Variants in DCLK1 observed in about 807,000 individuals in gnomAD.
DCLK1 encodes the protein serine/threonine-protein kinase DCLK1.
A neutral mutation model predicts 86.2 loss-of-function variants in DCLK1; 16 were observed. The ratio of observed to expected loss-of-function variants is 0.19; its 90% CI spans 0.13 to 0.28. DCLK1 has a LOEUF of 0.28. Ranked by LOEUF, DCLK1 falls within the 10% of genes least tolerant of loss-of-function variation. DCLK1 has a pLI of 1.00. For missense variants in DCLK1, 590 were observed against 940.2 expected, an observed-to-expected ratio of 0.63 and a Z score of 4.87; for synonymous variants, 369 against 370.5, an observed-to-expected ratio of 1.00 and a Z score of 0.05.
intron 3 of DCLK1, among the ~76,000 whole-genome samples, chr13:36,064,387 G>A (rs1291747546): frequency 1.3e-5 from 2 of 152,178 alleles, no homozygotes; most frequent in East Asian, 1.9e-4. Context: ...TGGCGTGGGC[G>A]TGGCGGCTCA....
Position 36,074,416 on chromosome 13 carries a change from G to C in DCLK1, c.723+37453C>G, listed in dbSNP as rs576645232. 1.0e-4 allele frequency among the ~76,000 whole-genome samples: 13 copies of C among 126,896 alleles called. No individual in the cohort carries two copies. In the South Asian group the frequency reaches 3.6e-3, roughly 35 times the overall value. 83.2% of individuals were successfully genotyped at this position (126,896 alleles called of 152,430 possible). On this transcript the variant is annotated intron_variant, in intron 3 of 16. Transcript: ENST00000360631. The stretch of plus-strand genomic sequence containing the variant: ...AGGCAGGAGAATGGCGTGAACCCTG[G>C]GGGGCGGAGCCTGCAGTGAGCTCCA...
chr13:35,898,811 G>A (rs1423706353), intron 4 of DCLK1, among the ~76,000 whole-genome samples: 1 of 151,876 alleles, frequency 6.6e-6, no homozygotes, highest in Admixed American at 6.6e-5. Flanking sequence ...GCACGATCTC[G>A]GCTCACAGCA....
chr13:35,901,224 C>T (rs1268694417), intron 4 of DCLK1, among the ~76,000 whole-genome samples: 2 of 152,028 alleles, frequency 1.3e-5, no homozygotes, highest in African/African-American at 4.8e-5. Context: ...TGGTGGCTTA[C>T]GCCTGTAATC....
At chr13:35,800,926 G>A (rs1237563156) in intron 15 of DCLK1, among the ~76,000 whole-genome samples, 6 of 146,270 alleles carry the variant, frequency 4.1e-5, no homozygotes, top group South Asian at 2.1e-4. Flanking sequence ...GCTTCACTAC[G>A]TTGGCCAGGC....
At chr13:35,918,892 G>GTTTTTTTGTTTTTTTT (rs1555350028) in intron 4 of DCLK1, among the ~76,000 whole-genome samples, 1 of 76,310 alleles carries the variant, frequency 1.3e-5, no homozygotes, top group Admixed American at 2.4e-4. Context: ...TTCTGAGTGT[G>GTTTTTTTGTTTTTTTT]TTTTTTTTTT....
chr13:35,918,791 A>G (rs150351283), intron 4 of DCLK1, among the ~76,000 whole-genome samples: 113 of 152,142 alleles, frequency 7.4e-4, no homozygotes, highest in Non-Finnish European at 1.3e-3. Context: ...TTATGAAAGC[A>G]TCCTGAAAAT....
At chr13:36,066,136 A>C (rs1368947578) in intron 3 of DCLK1, among the ~76,000 whole-genome samples, 1 of 152,220 alleles carries the variant, frequency 6.6e-6, no homozygotes, top group East Asian at 1.9e-4. Flanking sequence ...TGTCATTTGC[A>C]CCTCAAATAA....
At chr13:35,953,993 A>G (rs1419387065) in intron 3 of DCLK1, among the ~76,000 whole-genome samples, 1 of 152,210 alleles carries the variant, frequency 6.6e-6, no homozygotes, top group Non-Finnish European at 1.5e-5. Flanking sequence ...TTTAAGCAAG[A>G]GAATAAACCA....
chr13:35,905,461 G>T (rs969419338), intron 4 of DCLK1, among the ~76,000 whole-genome samples: 1 of 152,174 alleles, frequency 6.6e-6, no homozygotes, highest in Non-Finnish European at 1.5e-5. Flanking sequence ...GCTCTCAGTG[G>T]CCACCTCACT....
chr13:35,960,291 G>A (rs1314499133), intron 3 of DCLK1, among the ~76,000 whole-genome samples: 1 of 152,058 alleles, frequency 6.6e-6, no homozygotes, highest in African/African-American at 2.4e-5. Context: ...TCCACCATGT[G>A]CAGTAATTTT....
chr13:36,015,683 T>C (rs547516864), intron 3 of DCLK1, among the ~76,000 whole-genome samples: 1 of 152,276 alleles, frequency 6.6e-6, no homozygotes, highest in South Asian at 2.1e-4. Context: ...TAGCCCATAC[T>C]ACCAATCTAG....
chr13:35,833,115 C>T (rs774896857), intron 8 of DCLK1, among the ~76,000 whole-genome samples: 2 of 152,156 alleles, frequency 1.3e-5, no homozygotes, highest in Non-Finnish European at 2.9e-5. Flanking sequence ...CACACATCCT[C>T]AGGCTTATAG....
At chr13:35,787,607 C>T (rs1172752011) in intron 16 of DCLK1, among the ~76,000 whole-genome samples, 1 of 152,028 alleles carries the variant, frequency 6.6e-6, no homozygotes. Context: ...TAAATTCATG[C>T]AATAGCTAAT....
chr13:35,908,341 G>C (rs1874799493), intron 4 of DCLK1, among the ~76,000 whole-genome samples: 1 of 152,168 alleles, frequency 6.6e-6, no homozygotes, highest in South Asian at 2.1e-4. Flanking sequence ...ATCATCCAAA[G>C]AGGCAGGCCA....
intron 3 of DCLK1, among the ~76,000 whole-genome samples, chr13:36,040,362 TCC>T (rs201226269): frequency 0.45 from 57,627 of 127,116 alleles, 13,115 homozygotes; most frequent in South Asian, 0.52. Context: ...AGGGTATTCC[TCC>T]ATAGGAATAC....
intron 4 of DCLK1, among the ~76,000 whole-genome samples, chr13:35,921,186 A>G (rs1875780694): frequency 6.6e-6 from 1 of 152,094 alleles, no homozygotes; most frequent in African/African-American, 2.4e-5. Context: ...AAATCCGTAA[A>G]ATGGCTTTAG....
intron 3 of DCLK1, among the ~76,000 whole-genome samples, chr13:36,054,477 T>C (rs1195573383): frequency 6.6e-6 from 1 of 152,196 alleles, no homozygotes; most frequent in African/African-American, 2.4e-5. Context: ...GCTATTATTA[T>C]GCTAATAACT....
intron 1 of DCLK1, among the ~76,000 whole-genome samples, chr13:36,127,916 C>T (rs6563356): frequency 0.65 from 98,567 of 152,056 alleles, 32,384 homozygotes; most frequent in East Asian, 0.87. Flanking sequence ...AGGAAAGACA[C>T]TTTAATGACA....
chr13:35,819,314 A>G (rs1232917390), intron 11 of DCLK1, among the ~76,000 whole-genome samples: 2 of 152,188 alleles, frequency 1.3e-5, no homozygotes, highest in Non-Finnish European at 2.9e-5. Flanking sequence ...AAATACTTTA[A>G]CCCAACCAAA....
Sources: allele counts gnomAD v4.1 joint callset (sites outside exome capture counted in the v4.1 genomes callset), GRCh38; gene constraint gnomAD v4.1.1; transcripts MANE v1.5; gene names NCBI Gene and HGNC (gene_info 2026-07-23, HGNC 2026-07-21).